Variants in COG6 observed in about 807,000 individuals in gnomAD.
COG6 encodes component of oligomeric golgi complex 6.
In COG6, 74 loss-of-function variants were observed where a neutral mutation model predicts 88.8. The observed-to-expected ratio is 0.83, with a 90% confidence interval of 0.69 to 1.01. The LOEUF (loss-of-function observed/expected upper bound fraction) is 1.01, where lower values mean the gene tolerates loss of function less well. Ranked by LOEUF, COG6 falls within the 50% of genes least tolerant of loss-of-function variation. The pLI, the probability that COG6 is intolerant of heterozygous loss-of-function variation, is 0.00. For missense variants in COG6, 800 were observed against 797.9 expected, an observed-to-expected ratio of 1.00 and a Z score of -0.03; for synonymous variants, 286 against 278.7, an observed-to-expected ratio of 1.03 and a Z score of -0.26.
intron 11 of COG6, among the ~76,000 whole-genome samples, chr13:39,694,347 G>A (rs1244576783): frequency 6.6e-6 from 1 of 151,590 alleles, no homozygotes; most frequent in East Asian, 1.9e-4. Context: ...ATTATATACT[G>A]GTGATAAATC....
At chr13:39,719,144 CTT>C (rs1878701248) in intron 13 of COG6, 90 bp from the exon 14 acceptor site, 1 of 1,170,008 alleles carries the variant, frequency 8.5e-7, no homozygotes, top group African/African-American at 3.2e-5. Flanking sequence ...TGCTTTATAA[CTT>C]TTACATTTTT....
At chr13:39,788,125 C>T (rs1881831513) in intron 18 of COG6, among the ~76,000 whole-genome samples, 1 of 152,192 alleles carries the variant, frequency 6.6e-6, no homozygotes, top group Non-Finnish European at 1.5e-5. Context: ...TGTGTGACAA[C>T]TGTTACCACT....
chr13:39,703,488 A>G (rs1306059495), intron 13 of COG6, among the ~76,000 whole-genome samples: 1 of 152,140 alleles, frequency 6.6e-6, no homozygotes, highest in Non-Finnish European at 1.5e-5. Context: ...TATATATTAC[A>G]GACATTTTCT....
At chr13:39,698,105 C>G (rs970444035) in intron 12 of COG6, among the ~76,000 whole-genome samples, 1 of 151,508 alleles carries the variant, frequency 6.6e-6, no homozygotes, top group African/African-American at 2.4e-5. Flanking sequence ...GTTACTGGAA[C>G]ATAATGAGTG....
At chr13:39,762,431 A>C (rs1284272867) in intron 18 of COG6, among the ~76,000 whole-genome samples, 1 of 151,888 alleles carries the variant, frequency 6.6e-6, no homozygotes, top group African/African-American at 2.4e-5. Flanking sequence ...TAAATAGTAG[A>C]AATAAGTTCT....
At chr13:39,663,742 G>A (rs765332098) in intron 3 of COG6, among the ~76,000 whole-genome samples, 2 of 151,982 alleles carry the variant, frequency 1.3e-5, no homozygotes, top group Non-Finnish European at 2.9e-5. Flanking sequence ...TAATAAGTTA[G>A]CCAGGCATGG....
chr13:39,748,551 G>A (rs913988765), intron 18 of COG6, among the ~76,000 whole-genome samples: 1 of 151,922 alleles, frequency 6.6e-6, no homozygotes, highest in Non-Finnish European at 1.5e-5. Flanking sequence ...GAAGGCAGAG[G>A]TTGCAGTGAG....
At chr13:39,788,354 T>A in exon 19 of COG6, 1 of 1,551,800 alleles carries the variant, frequency 6.4e-7, no homozygotes, top group South Asian at 1.2e-5. Flanking sequence ...CAACGGCCCA[T>A]GATCATCTTG....
intron 13 of COG6, among the ~76,000 whole-genome samples, chr13:39,705,521 G>C (rs1877843643): frequency 6.6e-6 from 1 of 151,986 alleles, no homozygotes. Flanking sequence ...ATTTAGGCTA[G>C]ACTGACATTT....
At chr13:39,685,850 A>G (rs1382593222) in intron 8 of COG6, among the ~76,000 whole-genome samples, 1 of 123,390 alleles carries the variant, frequency 8.1e-6, no homozygotes, top group African/African-American at 2.9e-5. Flanking sequence ...ACTTAGCTGG[A>G]TATTGCACTT....
At chr13:39,718,759 C>T (rs1878676149) in intron 13 of COG6, among the ~76,000 whole-genome samples, 1 of 152,040 alleles carries the variant, frequency 6.6e-6, no homozygotes, top group African/African-American at 2.4e-5. Flanking sequence ...TGAGAGACTC[C>T]TGGGGTGCTT....
At chr13:39,689,854 A>G (rs1480774441) in intron 11 of COG6, 30 bp downstream of exon 11, 2 of 1,335,438 alleles carry the variant, frequency 1.5e-6, no homozygotes, top group Non-Finnish European at 1.1e-6. Context: ...CATATGCTAT[A>G]TGGTACCTGC....
intron 18 of COG6, among the ~76,000 whole-genome samples, chr13:39,773,660 G>A (rs1448144732): frequency 6.6e-6 from 1 of 152,124 alleles, no homozygotes; most frequent in Admixed American, 6.5e-5. Context: ...ACTCCAATCA[G>A]GATTCTTTTA....
At chr13:39,740,704 T>G (rs1879999135) in intron 18 of COG6, among the ~76,000 whole-genome samples, 1 of 152,210 alleles carries the variant, frequency 6.6e-6, no homozygotes, top group South Asian at 2.1e-4. Context: ...AAAATATGCT[T>G]TAATTTCATT....
At chr13:39,781,353 A>G (rs1881624963) in intron 18 of COG6, among the ~76,000 whole-genome samples, 1 of 152,120 alleles carries the variant, frequency 6.6e-6, no homozygotes, top group African/African-American at 2.4e-5. Flanking sequence ...GTTAGAGAAG[A>G]GAGGTTTTTA....
Position 39,699,595 on chromosome 13 carries a change from C to T in COG6, c.1261C>T (p.His421Tyr). The T allele has an allele frequency of 6.7e-7, 1 of 1,498,254 alleles. No homozygotes were observed. The allele number at this position is 1,498,254 out of a possible 1,614,324, so 92.8% of individuals were successfully genotyped here. A position where few individuals can be genotyped will look rare whatever the true frequency, so the allele number is the denominator to read the frequency against. Residue 421 changes from histidine (H) to tyrosine (Y), a missense_variant, in exon 13 of 19, where the codon CAT (histidine) becomes TAT (tyrosine). By Grantham distance (83) the His-to-Tyr change is moderately conservative. Coordinates refer to ENST00000455146, the MANE Select transcript of COG6 (RefSeq NM_020751.3). ...KKIFFNSLSL[H>Y]ASKLMDKVEL... ...AATATTCTTCAATAGCTTGAGTCTT[C>T]ATGCAAGTAAATTAATGGACAAGGT... is the stretch of plus-strand genomic sequence containing the variant.
intron 10 of COG6, among the ~76,000 whole-genome samples, chr13:39,689,549 A>G (rs1339091339): frequency 6.6e-6 from 1 of 152,122 alleles, no homozygotes; most frequent in Non-Finnish European, 1.5e-5. Context: ...AAGGCTTTCT[A>G]GACACATTAG....
At chr13:39,778,730 G>A (rs554194800) in intron 18 of COG6, among the ~76,000 whole-genome samples, 7 of 152,352 alleles carry the variant, frequency 4.6e-5, no homozygotes, top group African/African-American at 1.4e-4. Flanking sequence ...TATCATGGTT[G>A]TTGTCATCTG....
chr13:39,759,016 T>C (rs1156361526), intron 18 of COG6, among the ~76,000 whole-genome samples: 4 of 152,156 alleles, frequency 2.6e-5, no homozygotes, highest in Non-Finnish European at 5.9e-5. Flanking sequence ...ATCTCCAGAA[T>C]AGGCAAATCC....
Sources: allele counts gnomAD v4.1 joint callset (sites outside exome capture counted in the v4.1 genomes callset), GRCh38; gene constraint gnomAD v4.1.1; transcripts MANE v1.5; gene names NCBI Gene and HGNC (gene_info 2026-07-23, HGNC 2026-07-21).